SLX4IP: variants seen among roughly 807,000 people sequenced by gnomAD.
SLX4IP encodes the protein SLX4 interacting protein, also known as protein SLX4IP.
Under a neutral mutation model 32.9 loss-of-function variants are expected in SLX4IP, and 34 were observed. The observed-to-expected ratio is 1.03, with a 90% CI of 0.79 to 1.38. The LOEUF is 1.38. Ranked by LOEUF, SLX4IP falls within the 40% of genes most tolerant of loss-of-function variation. The pLI is 0.00. For missense variants in SLX4IP, 444 were observed against 479.0 expected, an observed-to-expected ratio of 0.93 and a Z score of 0.68; for synonymous variants, 172 against 171.7, an observed-to-expected ratio of 1.00 and a Z score of -0.01.
At chr20:10,458,909 C>T (rs2065311873) in intron 2 of SLX4IP, among the ~76,000 whole-genome samples, 1 of 152,168 alleles carries the variant, frequency 6.6e-6, no homozygotes. Flanking sequence ...AATGGCATAT[C>T]TGCCTCTAGA....
intron 2 of SLX4IP, among the ~76,000 whole-genome samples, chr20:10,525,452 G>C (rs1332735562): frequency 6.6e-6 from 1 of 152,112 alleles, no homozygotes; most frequent in Non-Finnish European, 1.5e-5. Context: ...ACAATGTTGA[G>C]TTAAATCTGT....
chr20:10,527,928 G>A (rs1600965786), intron 2 of SLX4IP, among the ~76,000 whole-genome samples: 1 of 152,078 alleles, frequency 6.6e-6, no homozygotes, highest in Admixed American at 6.5e-5. Context: ...TGTGCAGAGG[G>A]ACAGCTGGTG....
At chr20:10,599,729 A>G (rs6040039) in intron 5 of SLX4IP, among the ~76,000 whole-genome samples, 8 of 152,254 alleles carry the variant, frequency 5.3e-5, no homozygotes, top group African/African-American at 1.9e-4. Flanking sequence ...AGGTCCTTCC[A>G]CTTTGTTCAA....
intron 6 of SLX4IP, among the ~76,000 whole-genome samples, chr20:10,615,954 G>A (rs1307205047): frequency 6.6e-6 from 1 of 152,066 alleles, no homozygotes; most frequent in Non-Finnish European, 1.5e-5. Context: ...ACATCTTCAA[G>A]GCCCCACCTC....
intron 6 of SLX4IP, among the ~76,000 whole-genome samples, chr20:10,607,988 A>G (rs76675202): frequency 0.023 from 3,544 of 152,294 alleles, 103 homozygotes; most frequent in African/African-American, 0.069. Context: ...GCTGAAGTAG[A>G]ATAGGATAGG....
intron 2 of SLX4IP, among the ~76,000 whole-genome samples, chr20:10,508,413 C>A (rs560382582): frequency 3.3e-5 from 5 of 152,242 alleles, no homozygotes; most frequent in African/African-American, 1.2e-4. Context: ...ACAGGGGTGA[C>A]CCTTCCAGAT....
chr20:10,568,065 A>G (rs2066416639), intron 4 of SLX4IP, among the ~76,000 whole-genome samples: 1 of 152,200 alleles, frequency 6.6e-6, no homozygotes. Flanking sequence ...GGTGTAAAAA[A>G]CTTGACTTTC....
At chr20:10,618,940 T>TGGGGGGTGGGGGGGGGGGGGGGG (rs2067071989) in intron 6 of SLX4IP, among the ~76,000 whole-genome samples, 1 of 41,774 alleles carries the variant, frequency 2.4e-5, no homozygotes, top group African/African-American at 9.7e-5. Flanking sequence ...GCTTGGGGGT[T>TGGGGGGTGGGGGGGGGGGGGGGG]GGGGGGGCGG....
chr20:10,599,969 G>C (rs1156919414), intron 5 of SLX4IP, among the ~76,000 whole-genome samples: 1 of 151,898 alleles, frequency 6.6e-6, no homozygotes, highest in East Asian at 1.9e-4. Flanking sequence ...AAATACCGAG[G>C]AATTATTTGA....
chr20:10,475,180 C>T (rs1246657628), intron 2 of SLX4IP, among the ~76,000 whole-genome samples: 4 of 152,212 alleles, frequency 2.6e-5, no homozygotes, highest in African/African-American at 4.8e-5. Context: ...CTGCTCCAGC[C>T]GACAGCTCGG....
chr20:10,604,815 G>T (rs2059558771), intron 6 of SLX4IP, among the ~76,000 whole-genome samples: 1 of 152,200 alleles, frequency 6.6e-6, no homozygotes, highest in South Asian at 2.1e-4. Flanking sequence ...ATTATGAAAT[G>T]AGTCATTGTA....
intron 2 of SLX4IP, among the ~76,000 whole-genome samples, chr20:10,517,859 A>G (rs2065862986): frequency 6.6e-6 from 1 of 152,184 alleles, no homozygotes; most frequent in South Asian, 2.1e-4. Context: ...GCCTTTGTCA[A>G]ATAAGGGATT....
At chr20:10,582,596 C>A (rs1306916308) in intron 4 of SLX4IP, among the ~76,000 whole-genome samples, 1 of 152,018 alleles carries the variant, frequency 6.6e-6, no homozygotes, top group Non-Finnish European at 1.5e-5. Flanking sequence ...ATCTATAAAT[C>A]TATATTTTCA....
chr20:10,531,770 G>A (rs754192306), intron 2 of SLX4IP, among the ~76,000 whole-genome samples: 2 of 152,208 alleles, frequency 1.3e-5, no homozygotes, highest in Non-Finnish European at 2.9e-5. Context: ...TGAACTCTGA[G>A]TGAAAAGAGA....
At chr20:10,583,018 T>G (rs2066602362) in intron 4 of SLX4IP, among the ~76,000 whole-genome samples, 1 of 152,174 alleles carries the variant, frequency 6.6e-6, no homozygotes, top group South Asian at 2.1e-4. Flanking sequence ...ATACTTTCAT[T>G]TTTTAAAACA....
chr20:10,474,640 G>A (rs538759431), intron 2 of SLX4IP, among the ~76,000 whole-genome samples: 109 of 152,350 alleles, frequency 7.2e-4, no homozygotes, highest in African/African-American at 2.1e-3. Flanking sequence ...TGGGCCTTGG[G>A]GGCCTGGGCT....
chr20:10,457,455 T>G (rs1444162304), intron 1 of SLX4IP, among the ~76,000 whole-genome samples: 1 of 150,850 alleles, frequency 6.6e-6, no homozygotes, highest in Non-Finnish European at 1.5e-5. Flanking sequence ...TTTTTTTTTT[T>G]GTATTATGAT....
chr20:10,575,926 G>A (rs899426473), intron 4 of SLX4IP, among the ~76,000 whole-genome samples: 3 of 152,128 alleles, frequency 2.0e-5, no homozygotes, highest in Non-Finnish European at 2.9e-5. Context: ...TGATTTTGAA[G>A]TGTTTGAAGG....
At chr20:10,487,754 T>C (rs986814892) in intron 2 of SLX4IP, among the ~76,000 whole-genome samples, 1 of 152,112 alleles carries the variant, frequency 6.6e-6, no homozygotes, top group Non-Finnish European at 1.5e-5. Flanking sequence ...AGAGTAGATT[T>C]AAGTTGTTTT....
Sources: allele counts gnomAD v4.1 joint callset (sites outside exome capture counted in the v4.1 genomes callset), GRCh38; gene constraint gnomAD v4.1.1; transcripts MANE v1.5; gene names NCBI Gene and HGNC (gene_info 2026-07-23, HGNC 2026-07-21).